Variants in ABCG8 observed in about 807,000 individuals in gnomAD.
ABCG8 encodes ATP binding cassette subfamily G member 8.
ABCG8 carries 81 observed loss-of-function variants against 71.3 expected under a neutral mutation model. The ratio of observed to expected loss-of-function variants is 1.14; its 90% confidence interval spans 0.95 to 1.37. The LOEUF is 1.37. Ranked by LOEUF, ABCG8 falls within the 40% of genes most tolerant of loss-of-function variation. The probability of loss-of-function intolerance (pLI) is 0.00; values close to 1 mark genes in which losing one functional copy is unlikely to be tolerated. For missense variants in ABCG8, 1,119 were observed against 866.2 expected (o/e 1.29, Z -3.66); for synonymous variants, 451 against 354.7 (o/e 1.27, Z -3.05).
At chr2:43,854,274 C>T (rs546363541) in intron 6 of ABCG8, among the ~76,000 whole-genome samples, 2 of 152,130 alleles carry the variant, frequency 1.3e-5, no homozygotes, top group Admixed American at 6.5e-5. Flanking sequence ...CACTAGGGGG[C>T]CACATCATGG....
At chr2:43,853,009 A>C (rs897838799) in intron 6 of ABCG8, 141 bp downstream of exon 6, 2 of 1,110,756 alleles carry the variant, frequency 1.8e-6, no homozygotes, top group African/African-American at 3.3e-5. Flanking sequence ...GGGGAAGAAC[A>C]TGGGGTGGTT....
intron 2 of ABCG8, 111 bp downstream of exon 2, chr2:43,844,719 A>G: frequency 1.3e-6 from 1 of 788,000 alleles, no homozygotes; most frequent in Non-Finnish European, 2.2e-6. Context: ...GCCCGCAAGG[A>G]CAGAGTCCAG....
Position 43,838,995 on chromosome 2 carries a change from G to A in ABCG8, c.-59G>A. Reference sequence around the variant, plus strand: ...GAAACAGAGTGAAGACACTGGCCCTGGCAGGCAGCAGCTGGGTCTAAGAGA... The same window carrying A: ...GAAACAGAGTGAAGACACTGGCCCTAGCAGGCAGCAGCTGGGTCTAAGAGA... On this transcript the variant is annotated 5_prime_UTR_variant, in exon 1 of 13. Coordinates refer to ENST00000272286, the MANE Select transcript of ABCG8 (RefSeq NM_022437.3). This position sits in a 1 kb window ranked among gnomAD's most constrained non-coding sequence, Gnocchi z 4.2. 2 of 1,517,350 alleles carry A rather than the reference G, an allele frequency of 1.3e-6. No individual in the cohort carries two copies. The highest frequency in any genetic ancestry group is 8.9e-7 in the Non-Finnish European group (1 of 1,117,888). 94.0% of individuals were successfully genotyped at this position (1,517,350 alleles called of 1,614,324 possible).
In ABCG8 at chr2:43,879,115, T is replaced by TGTGAGAGC. The variant is rs1670051972; in HGVS notation, c.*1202_*1203insGTGAGAGC. The TGTGAGAGC allele has an allele frequency of 6.6e-6, 1 of 152,252 alleles. No individual in the cohort carries two copies. The highest frequency in any genetic ancestry group is 1.5e-5 in the Non-Finnish European group (1 of 68,102). The allele number at this position is 152,252 out of a possible 1,614,324, so 9.4% of individuals were successfully genotyped here. A position where few individuals can be genotyped will look rare whatever the true frequency, so the allele number is the denominator to read the frequency against. ...TCATAGCAGTGTGAGAGCAGATGAATACACTGGCCCTGCCTGGGTTTCAGA... is the reference window on the plus strand; with the variant it reads ...TCATAGCAGTGTGAGAGCAGATGAATGTGAGAGCACACTGGCCCTGCCTGGGTTTCAGA... On this transcript the variant is annotated 3_prime_UTR_variant, in exon 13 of 13. Transcript: ENST00000272286.
At chr2:43,865,788 ACC>A (rs1194953638) in intron 6 of ABCG8, among the ~76,000 whole-genome samples, 3 of 151,728 alleles carry the variant, frequency 2.0e-5, no homozygotes, top group Admixed American at 6.6e-5. Context: ...TAGAATTCTC[ACC>A]ATCTGGATAG....
chr2:43,855,318 C>G (rs1256039540), intron 6 of ABCG8, among the ~76,000 whole-genome samples: 1 of 152,176 alleles, frequency 6.6e-6, no homozygotes, highest in Non-Finnish European at 1.5e-5. Context: ...TACTCACTCT[C>G]TGGATAGAAC....
At chr2:43,877,470 G>A in intron 11 of ABCG8, 91 bp from the exon 12 acceptor site, 2 of 1,580,110 alleles carry the variant, frequency 1.3e-6, no homozygotes, top group Non-Finnish European at 1.7e-6. Context: ...AATATGGGGA[G>A]ACTCTGTGAA....
chr2:43,846,109 C>G (rs998778008), intron 2 of ABCG8, 46 bp from the exon 3 acceptor site: 1 of 1,610,078 alleles, frequency 6.2e-7, no homozygotes, highest in Non-Finnish European at 8.5e-7. Flanking sequence ...CTGAAGCCCT[C>G]TGAACCATTC....
intron 6 of ABCG8, among the ~76,000 whole-genome samples, chr2:43,855,000 A>G (rs1669052782): frequency 6.6e-6 from 1 of 152,190 alleles, no homozygotes; most frequent in African/African-American, 2.4e-5. Context: ...TCAGTGAGAA[A>G]TCTACCTGAA....
At chr2:43,849,781 C>T (rs966911750) in intron 3 of ABCG8, among the ~76,000 whole-genome samples, 1 of 152,164 alleles carries the variant, frequency 6.6e-6, no homozygotes, top group African/African-American at 2.4e-5. Flanking sequence ...TTGTTCCACT[C>T]ATGTTCTCAG....
chr2:43,856,554 G>A (rs946066368), intron 6 of ABCG8, among the ~76,000 whole-genome samples: 11 of 151,602 alleles, frequency 7.3e-5, no homozygotes, highest in African/African-American at 2.4e-4. Flanking sequence ...CTTTCTATCT[G>A]GATAGAACTC....
At position 43,873,882 on chromosome 2, in the gene ABCG8, T is replaced by C. The variant is rs1558855690; in HGVS notation, c.1307T>C (p.Phe436Ser). 2.5e-6 allele frequency: 4 copies of C among 1,614,128 alleles called. No individual in the cohort carries two copies. Among genetic ancestry groups the C allele is most frequent in the Non-Finnish European group, 3.4e-6 (4 of 1,180,026 alleles). The stretch of plus-strand genomic sequence containing the variant: ...TCAATGACCATCGGCTTCCTCTATT[T>C]TGGCCATGGGAGCATCCAGCTCTCC... ...LMSMTIGFLY[F>S]GHGSIQLSFM... Residue 436 changes from phenylalanine to serine, a missense_variant, in exon 9 of 13, where the codon TTT becomes TCT. Phe to Ser is a radical substitution (Grantham distance 155). Transcript: ENST00000272286.
At chr2:43,849,856 C>A (rs962983424) in intron 3 of ABCG8, among the ~76,000 whole-genome samples, 2 of 152,094 alleles carry the variant, frequency 1.3e-5, no homozygotes, top group African/African-American at 4.8e-5. Context: ...AGCCTCTGCA[C>A]AGTAACCAGA....
rs759080514 is a variant in ABCG8 at position 43,851,642 on chromosome 2, C to T, written c.381C>T (p.Ile127=). 59 of 1,614,130 alleles carry T rather than the reference C, an allele frequency of 3.7e-5. No individual in the cohort carries two copies. Among genetic ancestry groups the T allele is most frequent in the Middle Eastern group, 1.6e-4 (1 of 6,084 alleles). The stretch of plus-strand genomic sequence containing the variant: ...CTGGCCGAGGTCACGGCGGCAAGAT[C>T]AAGTCAGGCCAGATCTGGATCAATG... ...VITGRGHGGK[I]KSGQIWINGQ... Residue 127 remains isoleucine (I), a synonymous_variant, in exon 4 of 13, where the codon ATC becomes ATT. Coordinates refer to ENST00000272286, the MANE Select transcript of ABCG8 (RefSeq NM_022437.3).
intron 6 of ABCG8, among the ~76,000 whole-genome samples, chr2:43,857,206 G>T (rs1172934541): frequency 6.6e-6 from 1 of 150,776 alleles, no homozygotes; most frequent in Admixed American, 6.6e-5. Flanking sequence ...TCACTCTCTG[G>T]ATAAAACTCT....
At chr2:43,845,746 C>G (rs1035835131) in intron 2 of ABCG8, among the ~76,000 whole-genome samples, 1 of 152,084 alleles carries the variant, frequency 6.6e-6, no homozygotes, top group Non-Finnish European at 1.5e-5. Context: ...CTCAGCCTCC[C>G]AAGTAGCTGG....
rs143592574 is a variant in ABCG8 at position 43,857,193 on chromosome 2, T to C, written c.964+4325T>C. The stretch of plus-strand genomic sequence containing the variant: ...ACTCTCACTATCTATCTGGACAGAA[T>C]TCTCACTCTCTGGATAAAACTCTTA... On this transcript the variant is annotated intron_variant, in intron 6 of 12. Coordinates refer to ENST00000272286, the MANE Select transcript of ABCG8 (RefSeq NM_022437.3). Among the ~76,000 whole-genome samples the C allele has an allele frequency of 8.7e-3, 1,311 of 151,344 alleles. 22 individuals carry two copies. Among genetic ancestry groups the C allele is most frequent in the African/African-American group, 0.03 (1,242 of 41,350 alleles).
intron 6 of ABCG8, among the ~76,000 whole-genome samples, chr2:43,865,701 C>A (rs1669507206): frequency 1.3e-5 from 2 of 151,992 alleles, no homozygotes; most frequent in African/African-American, 4.8e-5. Flanking sequence ...CTCTCAATAT[C>A]TATGTGGATA....
At chr2:43,876,022 C>T (rs982587157) in intron 11 of ABCG8, among the ~76,000 whole-genome samples, 3 of 152,168 alleles carry the variant, frequency 2.0e-5, no homozygotes, top group Non-Finnish European at 4.4e-5. Flanking sequence ...TTTCCTGATG[C>T]ACCCAGGCAG....
Sources: gnomAD v4.1 joint callset for allele counts (sites outside exome capture counted in the v4.1 genomes callset) on GRCh38, gnomAD v4.1.1 for gene constraint, Gnocchi (gnomAD v3.1) non-coding constraint, MANE v1.5 for transcripts, NCBI Gene and HGNC (gene_info 2026-07-23, HGNC 2026-07-21) for gene names.